Variants in DISC1 observed in about 807,000 individuals in gnomAD.
DISC1 encodes the protein DISC1 scaffold protein.
DISC1 carries 57 observed loss-of-function variants against 84.5 expected under a neutral mutation model. That is an observed-to-expected ratio of 0.67 (90% CI 0.55 to 0.84). DISC1 has a LOEUF of 0.84. Among genes scored for constraint, DISC1 ranks in the 40% least tolerant of loss-of-function variants. DISC1 has a pLI of 0.00. For synonymous variants in DISC1, 411 were observed against 415.2 expected (o/e 0.99, Z 0.12); for missense variants, 1,000 against 1,057.8 (o/e 0.95, Z 0.76).
chr1:231,710,303 C>T (rs1325226797), intron 3 of DISC1, among the ~76,000 whole-genome samples: 1 of 152,158 alleles, frequency 6.6e-6, no homozygotes, highest in East Asian at 1.9e-4. Flanking sequence ...GATTGTGCCA[C>T]TGCACTGCAC....
At chr1:232,014,027 C>T (rs2103012168) in intron 11 of DISC1, among the ~76,000 whole-genome samples, 1 of 152,216 alleles carries the variant, frequency 6.6e-6, no homozygotes, top group Middle Eastern at 3.4e-3. Flanking sequence ...CAAAGTGTCA[C>T]ACTTAGGGGT....
intron 9 of DISC1, among the ~76,000 whole-genome samples, chr1:231,917,629 G>T (rs1021491169): frequency 3.3e-5 from 5 of 152,088 alleles, no homozygotes; most frequent in African/African-American, 1.2e-4. Context: ...TGGATCTTGT[G>T]GGCTGTCTCC....
At chr1:231,756,668 A>T (rs1480502918) in intron 4 of DISC1, among the ~76,000 whole-genome samples, 1 of 151,996 alleles carries the variant, frequency 6.6e-6, no homozygotes, top group East Asian at 1.9e-4. Context: ...TCTTGACAGA[A>T]CCTTGGATAG....
Position 232,009,077 on chromosome 1 carries a change from G to C in DISC1, c.2307+28G>C, listed in dbSNP as rs781228929. The C allele has an allele frequency of 1.2e-6, 2 of 1,613,434 alleles. No homozygotes were observed. Among genetic ancestry groups the C allele is most frequent in the South Asian group, 2.2e-5 (2 of 90,912 alleles). ...CTGTCCTTTTCACATGGCCTCCAGAGGGGACCCTTATTCTAAGGGGTGCTT... is the reference window on the plus strand; with the variant it reads ...CTGTCCTTTTCACATGGCCTCCAGACGGGACCCTTATTCTAAGGGGTGCTT... On this transcript the variant is annotated intron_variant, in intron 11 of 12. Transcript: ENST00000439617. This position sits in a 1 kb window ranked among gnomAD's most constrained non-coding sequence, Gnocchi z 4.6.
intron 9 of DISC1, among the ~76,000 whole-genome samples, chr1:231,843,323 G>A (rs2083215782): frequency 6.6e-6 from 1 of 152,158 alleles, no homozygotes; most frequent in Non-Finnish European, 1.5e-5. Flanking sequence ...AGTGGGGAGA[G>A]CTTCAGCTCC....
In DISC1 at chr1:231,818,621, G is replaced by A; in HGVS notation, c.1981+104G>A. On this transcript the variant is annotated intron_variant, in intron 9 of 12. Transcript: ENST00000439617. ...CCTTATGTGAACGTCACTGTGAAGA[G>A]CGTCATGGAGCACATGGCCCTTTTC... The A allele has an allele frequency of 1.0e-5, 16 of 1,527,588 alleles. No homozygotes were observed. The South Asian group carries it at 1.6e-4, about 16-fold the overall frequency. The allele number at this position is 1,527,588 out of a possible 1,614,324, so 94.6% of individuals were successfully genotyped here.
At chr1:231,939,639 A>G (rs957113104) in intron 9 of DISC1, among the ~76,000 whole-genome samples, 1 of 152,126 alleles carries the variant, frequency 6.6e-6, no homozygotes, top group East Asian at 1.9e-4. Context: ...CAGCCCGGAC[A>G]TTCAGTTTCC....
chr1:231,701,732 T>C (rs942470818), intron 2 of DISC1, among the ~76,000 whole-genome samples: 23 of 152,230 alleles, frequency 1.5e-4, no homozygotes, highest in African/African-American at 5.3e-4. Context: ...TTTTAACTTT[T>C]TATGTGGATG....
chr1:231,861,707 C>T lies in DISC1; in HGVS notation c.1981+43190C>T, dbSNP rs2084662790. Among the ~76,000 whole-genome samples, 3 of 152,110 alleles carry T rather than the reference C, an allele frequency of 2.0e-5. No individual in the cohort carries two copies. In the South Asian group the frequency reaches 6.2e-4, roughly 31 times the overall value. ...TATCAAGGTCAGACCACAGCATGTA[C>T]AAGAGGTTGCTGTCACGTGATAGTT... On this transcript the variant is annotated intron_variant, in intron 9 of 12. Transcript: ENST00000439617.
chr1:231,765,495 A>C (rs2076105854), intron 4 of DISC1, among the ~76,000 whole-genome samples: 1 of 152,126 alleles, frequency 6.6e-6, no homozygotes, highest in South Asian at 2.1e-4. Flanking sequence ...GTAGCAATAT[A>C]TTTTTCCCCA....
intron 2 of DISC1, among the ~76,000 whole-genome samples, chr1:231,696,659 T>C (rs1169740288): frequency 6.6e-6 from 1 of 152,250 alleles, no homozygotes; most frequent in Non-Finnish European, 1.5e-5. Flanking sequence ...TATCGTACTG[T>C]GTTTTTGTTG....
chr1:231,687,219 A>G (rs1045388621), intron 1 of DISC1, among the ~76,000 whole-genome samples: 8 of 152,062 alleles, frequency 5.3e-5, no homozygotes, highest in African/African-American at 1.9e-4. Context: ...GCCCCACTCT[A>G]CTGGTACCAA....
At chr1:231,746,717 T>C (rs1417810127) in intron 3 of DISC1, among the ~76,000 whole-genome samples, 2 of 152,224 alleles carry the variant, frequency 1.3e-5, no homozygotes. Context: ...ATCAGTGATG[T>C]TGAGCATTAA....
In DISC1 at chr1:232,026,621, T is replaced by C. The variant is rs184675813; in HGVS notation, c.2425+69T>C. On this transcript the variant is annotated intron_variant, in intron 12 of 12. Coordinates refer to ENST00000439617, the MANE Select transcript of DISC1 (RefSeq NM_018662.3). Reference sequence around the variant, plus strand: ...ATAAAAGAGAGTCTTTAAAGGGTAGTTTTTCATGCCTCAGAAGATGGCAAC... The same window carrying C: ...ATAAAAGAGAGTCTTTAAAGGGTAGCTTTTCATGCCTCAGAAGATGGCAAC... The C allele has an allele frequency of 8.2e-5, 95 of 1,165,204 alleles. No individual in the cohort carries two copies. The African/African-American group carries it at 1.3e-3, about 16-fold the overall frequency. The allele number at this position is 1,165,204 out of a possible 1,614,324, so 72.2% of individuals were successfully genotyped here.
intron 1 of DISC1, among the ~76,000 whole-genome samples, chr1:231,667,086 T>C (rs2062094127): frequency 6.6e-6 from 1 of 152,178 alleles, no homozygotes; most frequent in South Asian, 2.1e-4. Flanking sequence ...GACAGGAGCC[T>C]GTATTCTGAA....
chr1:231,928,402 T>TGCCC (rs549691462), intron 9 of DISC1, among the ~76,000 whole-genome samples: 108 of 152,372 alleles, frequency 7.1e-4, no homozygotes, highest in South Asian at 6.6e-3. Context: ...TGGAAGGCTG[T>TGCCC]GCCCACCTAC....
At chr1:231,629,956 G>A (rs973774261) in intron 1 of DISC1, among the ~76,000 whole-genome samples, 131 of 152,190 alleles carry the variant, frequency 8.6e-4, no homozygotes, top group African/African-American at 3.0e-3. Context: ...TTTTTGAGAC[G>A]GAGTCTCGTT....
intron 1 of DISC1, among the ~76,000 whole-genome samples, chr1:231,645,908 T>C (rs867215234): frequency 1.3e-5 from 2 of 151,692 alleles, no homozygotes; most frequent in African/African-American, 4.8e-5. Flanking sequence ...TTCTTTTTTT[T>C]TTTTTAGAGA....
chr1:231,665,630 A>C (rs750211130), intron 1 of DISC1, among the ~76,000 whole-genome samples: 3 of 152,260 alleles, frequency 2.0e-5, no homozygotes, highest in Admixed American at 6.5e-5. Context: ...AATTGTAAGA[A>C]TATAATACAT....
Sources: allele counts gnomAD v4.1 joint callset (sites outside exome capture counted in the v4.1 genomes callset), GRCh38; gene constraint gnomAD v4.1.1; non-coding constraint Gnocchi (gnomAD v3.1); transcripts MANE v1.5; gene names NCBI Gene and HGNC (gene_info 2026-07-23, HGNC 2026-07-21).